CLASP1: variants seen among roughly 807,000 people sequenced by gnomAD.
CLASP1 encodes CLIP-associating protein 1.
A neutral mutation model predicts 192.3 loss-of-function variants in CLASP1; 38 were observed. The observed-to-expected ratio is 0.20, with a 90% CI of 0.15 to 0.26. The LOEUF (loss-of-function observed/expected upper bound fraction) is 0.26. Ranked by LOEUF, CLASP1 falls within the 10% of genes least tolerant of loss-of-function variation. The pLI, the probability that CLASP1 is intolerant of heterozygous loss-of-function variation, is 1.00. For missense variants in CLASP1, 1,433 were observed against 1,932.5 expected (o/e 0.74, Z 4.85); for synonymous variants, 691 against 712.8 (o/e 0.97, Z 0.49).
At chr2:121,626,098 C>CAAA (rs557488865) in intron 1 of CLASP1, among the ~76,000 whole-genome samples, 1 of 111,312 alleles carries the variant, frequency 9.0e-6, no homozygotes, top group Non-Finnish European at 2.0e-5. Context: ...GACTCCATCT[C>CAAA]AAAAAAAAAA....
At chr2:121,616,567 T>C (rs546915680) in intron 1 of CLASP1, among the ~76,000 whole-genome samples, 4 of 152,358 alleles carry the variant, frequency 2.6e-5, no homozygotes, top group African/African-American at 7.2e-5. Flanking sequence ...AAAGAAGGTA[T>C]GATAGTTTAA....
intron 2 of CLASP1, among the ~76,000 whole-genome samples, chr2:121,596,054 T>A (rs997648941): frequency 6.6e-6 from 1 of 152,194 alleles, no homozygotes; most frequent in African/African-American, 2.4e-5. Context: ...CAATTCACAC[T>A]CAAATCTAAA....
intron 1 of CLASP1, among the ~76,000 whole-genome samples, chr2:121,608,224 A>T (rs1389461318): frequency 1.3e-5 from 2 of 152,202 alleles, no homozygotes; most frequent in Non-Finnish European, 2.9e-5. Flanking sequence ...GGGAAAACTT[A>T]AGAAACCAAA....
At chr2:121,561,443 G>A (rs7557276) in intron 2 of CLASP1, among the ~76,000 whole-genome samples, 108,416 of 152,066 alleles carry the variant, frequency 0.71, 40,708 homozygotes, top group East Asian at 0.99. Flanking sequence ...GATCTCATAC[G>A]ATCACTATTA....
intron 14 of CLASP1, among the ~76,000 whole-genome samples, chr2:121,453,194 C>T (rs183529144): frequency 1.3e-5 from 2 of 152,304 alleles, no homozygotes; most frequent in Admixed American, 1.3e-4. Context: ...ATTTAGGAAG[C>T]TGAGGTGGGT....
chr2:121,345,075 C>T (rs916584721), intron 39 of CLASP1, among the ~76,000 whole-genome samples: 3 of 152,320 alleles, frequency 2.0e-5, no homozygotes, highest in Middle Eastern at 3.4e-3. Context: ...AGGAGAATAG[C>T]TTGAACCTGG....
intron 34 of CLASP1, 130 bp downstream of exon 35, chr2:121,377,369 G>A: frequency 5.8e-6 from 4 of 695,102 alleles, no homozygotes; most frequent in Admixed American, 6.5e-5. Context: ...AAAACTAAAA[G>A]GAAAACATTA....
intron 6 of CLASP1, among the ~76,000 whole-genome samples, chr2:121,519,758 A>AG (rs1450542918): frequency 6.6e-6 from 1 of 152,240 alleles, no homozygotes; most frequent in Non-Finnish European, 1.5e-5. Context: ...GATAGCATTT[A>AG]GGGGTCTAAA....
At chr2:121,441,245 G>A (rs186494767) in intron 19 of CLASP1, among the ~76,000 whole-genome samples, 6 of 152,254 alleles carry the variant, frequency 3.9e-5, no homozygotes, top group Non-Finnish European at 8.8e-5. Flanking sequence ...AAAATTAAAA[G>A]GTCTTCAAAG....
At chr2:121,375,361 A>AAT (rs2069813824) in intron 34 of CLASP1, among the ~76,000 whole-genome samples, 1 of 116,986 alleles carries the variant, frequency 8.5e-6, no homozygotes, top group Non-Finnish European at 1.8e-5. Flanking sequence ...CTAGTTTCTG[A>AAT]TTTTTTTTTT....
At chr2:121,513,023 G>A (rs978294069) in intron 7 of CLASP1, 4 of 152,136 alleles carry the variant, frequency 2.6e-5, no homozygotes, top group Admixed American at 6.6e-5. Context: ...GAGAAGTCTC[G>A]ACTATTCAAG....
rs2066266544 is a variant in CLASP1, at chr2:121,615,295, C to T, written c.-285-9115G>A. Among the ~76,000 whole-genome samples, 2 of 151,698 alleles carry T rather than the reference C, an allele frequency of 1.3e-5. 1 individual carries two copies. The highest frequency in any genetic ancestry group is 4.2e-4 in the South Asian group (2 of 4,810). On this transcript the variant is annotated intron_variant, in intron 1 of 39. Transcript: ENST00000263710. ...TGGAGGTTGCAGCGAGCCAAGATCACGGAACTGCACTCCAGCTTGCGCGTC... is the reference window on the plus strand; with the variant it reads ...TGGAGGTTGCAGCGAGCCAAGATCATGGAACTGCACTCCAGCTTGCGCGTC...
At chr2:121,614,887 C>A (rs2066204026) in intron 1 of CLASP1, among the ~76,000 whole-genome samples, 1 of 152,158 alleles carries the variant, frequency 6.6e-6, no homozygotes, top group Admixed American at 6.5e-5. Context: ...GTAGATTTAA[C>A]AAGTAAAATA....
At position 121,444,957 on chromosome 2, in the gene CLASP1, T is replaced by A. The variant is rs763654415; in HGVS notation, c.1912+2380A>T. On this transcript the variant is annotated intron_variant, in intron 19 of 39. Coordinates refer to ENST00000263710, the Ensembl canonical transcript of CLASP1. Reference sequence around the variant, plus strand: ...CGCTTACCCTCCGCTTTAGTGGTAGTACCATCTTTAAGCAAATTAAAAAAC... The same window carrying A: ...CGCTTACCCTCCGCTTTAGTGGTAGAACCATCTTTAAGCAAATTAAAAAAC... 8.8e-6 allele frequency: 12 copies of A among 1,358,888 alleles called. No individual in the cohort carries two copies. The Admixed American group carries it at 2.3e-4, about 26-fold the overall frequency. 84.2% of individuals were successfully genotyped at this position (1,358,888 alleles called of 1,614,324 possible).
At chr2:121,457,808 A>C (rs2087010309) in intron 13 of CLASP1, 51 bp from the exon 14 acceptor site, 1 of 1,338,218 alleles carries the variant, frequency 7.5e-7, no homozygotes, top group Non-Finnish European at 1.1e-6. Flanking sequence ...TACAAAAACA[A>C]AACAAAATTA....
rs146215501 is a variant in CLASP1, at chr2:121,394,866, C to T, written c.3123+2274G>A. Among the ~76,000 whole-genome samples, 748 of 152,278 alleles carry T rather than the reference C, an allele frequency of 4.9e-3. 9 individuals are homozygous for T. The highest frequency in any genetic ancestry group is 0.017 in the African/African-American group (725 of 41,560). ...CTGCACTCCAGCCTGGGTGACAGAG[C>T]GAGACTCCGTCTCAAACAAACAAAC... is the stretch of plus-strand genomic sequence containing the variant. On this transcript the variant is annotated intron_variant, in intron 30 of 39. Coordinates refer to ENST00000263710, the Ensembl canonical transcript of CLASP1.
exon 35 of CLASP1, chr2:121,367,751 C>T: frequency 6.2e-7 from 1 of 1,613,928 alleles, no homozygotes; most frequent in Non-Finnish European, 8.5e-7. Flanking sequence ...TCTTGTTATC[C>T]AGAGCTGTCC....
intron 8 of CLASP1, among the ~76,000 whole-genome samples, chr2:121,486,142 T>C (rs556557711): frequency 6.6e-6 from 1 of 152,292 alleles, no homozygotes; most frequent in South Asian, 2.1e-4. Context: ...GTGACTATAA[T>C]TATAGTAATA....
Position 121,462,812 on chromosome 2 carries a change from C to T in CLASP1, c.866-207G>A, listed in dbSNP as rs191922187. ...GATGAAATATAGTAATTCTACAATG[C>T]TATATACATTAGCTTAAGGTCACTT... is the stretch of plus-strand genomic sequence containing the variant. On this transcript the variant is annotated intron_variant, in intron 9 of 39. Coordinates refer to ENST00000263710, the Ensembl canonical transcript of CLASP1. 8.7e-3 allele frequency among the ~76,000 whole-genome samples: 1,319 copies of T among 152,182 alleles called. 11 individuals are homozygous for T. Among genetic ancestry groups the T allele is most frequent in the South Asian group, 0.023 (113 of 4,822 alleles).
Sources: gnomAD v4.1 joint callset for allele counts (sites outside exome capture counted in the v4.1 genomes callset) on GRCh38, gnomAD v4.1.1 for gene constraint, MANE v1.5 for transcripts, NCBI Gene and HGNC (gene_info 2026-07-23, HGNC 2026-07-21) for gene names.